WWOX: variants seen among roughly 807,000 people sequenced by gnomAD.
The protein encoded by WWOX is WW domain containing oxidoreductase.
WWOX carries 69 observed loss-of-function variants against 46.2 expected under a neutral mutation model. The ratio of observed to expected loss-of-function variants is 1.49; its 90% CI spans 1.23 to 1.82. The LOEUF (loss-of-function observed/expected upper bound fraction) is 1.82, where lower values mean the gene tolerates loss of function less well. WWOX is among the 40% of genes most tolerant of loss of function. WWOX has a pLI of 0.00. For missense variants in WWOX, 919 were observed against 542.6 expected, an observed-to-expected ratio of 1.69 and a Z score of -6.89; for synonymous variants, 359 against 202.6, an observed-to-expected ratio of 1.77 and a Z score of -6.56.
intron 8 of WWOX, among the ~76,000 whole-genome samples, chr16:78,693,936 A>T (rs190464617): frequency 5.9e-5 from 9 of 152,286 alleles, no homozygotes; most frequent in African/African-American, 2.2e-4. Context: ...ATCAAGATGT[A>T]AAAAGGATTT....
chr16:78,287,219 G>A (rs1300445853), intron 5 of WWOX, among the ~76,000 whole-genome samples: 1 of 152,142 alleles, frequency 6.6e-6, no homozygotes, highest in Non-Finnish European at 1.5e-5. Flanking sequence ...GCTTCCTATG[G>A]CATAACTTTT....
At chr16:78,504,580 G>A (rs990538421) in intron 8 of WWOX, among the ~76,000 whole-genome samples, 2 of 152,304 alleles carry the variant, frequency 1.3e-5, no homozygotes, top group Admixed American at 6.5e-5. Flanking sequence ...AGTGGGCGTC[G>A]TGATGCCAGT....
chr16:78,904,919 C>G (rs933362065), intron 8 of WWOX, among the ~76,000 whole-genome samples: 3 of 152,084 alleles, frequency 2.0e-5, no homozygotes, highest in Admixed American at 2.0e-4. Flanking sequence ...ATTCCTTTTC[C>G]CAGTTGGTGC....
chr16:79,105,547 T>C (rs2049290901), intron 8 of WWOX, among the ~76,000 whole-genome samples: 1 of 152,188 alleles, frequency 6.6e-6, no homozygotes, highest in Non-Finnish European at 1.5e-5. Flanking sequence ...TTTCTAGAAA[T>C]GCATATATAG....
intron 4 of WWOX, among the ~76,000 whole-genome samples, chr16:78,153,409 G>T (rs1055313681): frequency 6.6e-6 from 1 of 152,158 alleles, no homozygotes. Flanking sequence ...CATCCTTAAA[G>T]ATAGTAGTCT....
At chr16:78,668,751 G>T (rs2047391906) in intron 8 of WWOX, among the ~76,000 whole-genome samples, 1 of 152,008 alleles carries the variant, frequency 6.6e-6, no homozygotes, top group African/African-American at 2.4e-5. Context: ...TGAGTGATGG[G>T]GAATAAAAGG....
chr16:78,983,509 G>A (rs112279397), intron 8 of WWOX, among the ~76,000 whole-genome samples: 4 of 152,308 alleles, frequency 2.6e-5, no homozygotes, highest in African/African-American at 9.6e-5. Flanking sequence ...AGAGGAAGGG[G>A]AGAAGAAATG....
chr16:78,883,832 G>T (rs945087032), intron 8 of WWOX, among the ~76,000 whole-genome samples: 2 of 152,076 alleles, frequency 1.3e-5, no homozygotes, highest in Non-Finnish European at 2.9e-5. Flanking sequence ...TGTGTACTCT[G>T]TTTGTAAGTT....
At chr16:78,307,772 C>A (rs1452547952) in intron 5 of WWOX, among the ~76,000 whole-genome samples, 1 of 152,086 alleles carries the variant, frequency 6.6e-6, no homozygotes, top group Non-Finnish European at 1.5e-5. Flanking sequence ...CTTAATATTC[C>A]TTTTCATGGG....
intron 8 of WWOX, among the ~76,000 whole-genome samples, chr16:79,152,832 C>T (rs942790207): frequency 4.6e-5 from 7 of 152,076 alleles, no homozygotes; most frequent in African/African-American, 7.2e-5. Context: ...GGGTGGAGGC[C>T]GAGACAGCTT....
chr16:78,761,516 C>A lies in WWOX; in HGVS notation c.1056+328764C>A, dbSNP rs2049793318. Among the ~76,000 whole-genome samples, 4 of 152,248 alleles carry A rather than the reference C, an allele frequency of 2.6e-5. No individual in the cohort carries two copies. In the South Asian group the frequency reaches 8.3e-4, roughly 32 times the overall value. On this transcript the variant is annotated intron_variant, in intron 8 of 8. Transcript: ENST00000566780. Reference sequence around the variant, plus strand: ...AGTGGTTGGTCTGCTGCTTTTCTTTCTCTGCTCATCTACCCTGATAGTTTC... The same window carrying A: ...AGTGGTTGGTCTGCTGCTTTTCTTTATCTGCTCATCTACCCTGATAGTTTC...
chr16:78,163,449 C>T (rs913115483), intron 4 of WWOX, among the ~76,000 whole-genome samples: 17 of 152,166 alleles, frequency 1.1e-4, no homozygotes, highest in Admixed American at 1.0e-3. Flanking sequence ...AAATTTATGT[C>T]TTTTTCCTTG....
At chr16:78,323,915 A>T (rs988965187) in intron 5 of WWOX, among the ~76,000 whole-genome samples, 1 of 152,142 alleles carries the variant, frequency 6.6e-6, no homozygotes, top group Non-Finnish European at 1.5e-5. Context: ...TCTGAATAAT[A>T]AGCATAGATG....
intron 8 of WWOX, among the ~76,000 whole-genome samples, chr16:78,786,883 C>T (rs143233297): frequency 1.6e-3 from 237 of 152,326 alleles, no homozygotes; most frequent in Non-Finnish European, 2.9e-3. Flanking sequence ...CGTGGTGACT[C>T]ACGCCTGTAA....
chr16:78,590,330 C>T (rs1313842475), intron 8 of WWOX, among the ~76,000 whole-genome samples: 1 of 152,060 alleles, frequency 6.6e-6, no homozygotes, highest in African/African-American at 2.4e-5. Flanking sequence ...TTGGTGGAAG[C>T]AAGTGTGTTG....
intron 8 of WWOX, among the ~76,000 whole-genome samples, chr16:79,031,979 C>A (rs1358804994): frequency 7.1e-6 from 1 of 141,822 alleles, no homozygotes; most frequent in East Asian, 2.0e-4. Context: ...GGGAACTGAA[C>A]GGGATGCTTT....
intron 8 of WWOX, among the ~76,000 whole-genome samples, chr16:78,961,703 C>G (rs2046274199): frequency 6.6e-6 from 1 of 152,104 alleles, no homozygotes; most frequent in Non-Finnish European, 1.5e-5. Context: ...TAAGCATATT[C>G]TGGGTATCAC....
chr16:79,028,562 C>G (rs2047691750), intron 8 of WWOX, among the ~76,000 whole-genome samples: 1 of 151,448 alleles, frequency 6.6e-6, no homozygotes, highest in South Asian at 2.1e-4. Context: ...CTTCCCTCCT[C>G]TCTCCTTCCT....
At chr16:78,262,097 C>CAAAAAAAAAAAAAA (rs752161345) in intron 5 of WWOX, among the ~76,000 whole-genome samples, 2 of 62,608 alleles carry the variant, frequency 3.2e-5, no homozygotes, top group Non-Finnish European at 5.7e-5. Flanking sequence ...GAAACTCTGT[C>CAAAAAAAAAAAAAA]AAAAAAAAAA....
Sources: gnomAD v4.1 joint callset for allele counts (sites outside exome capture counted in the v4.1 genomes callset) on GRCh38, gnomAD v4.1.1 for gene constraint, MANE v1.5 for transcripts, NCBI Gene and HGNC (gene_info 2026-07-23, HGNC 2026-07-21) for gene names.